The following DPP6 variants were observed in gnomAD, a reference collection of about 807,000 sequenced individuals.
The protein encoded by DPP6 is dipeptidyl peptidase like 6.
In DPP6, 69 loss-of-function variants were observed where a neutral mutation model predicts 122.6. That is an observed-to-expected ratio of 0.56 (90% CI 0.46 to 0.69). The LOEUF is 0.69. DPP6 is among the 30% of genes least tolerant of loss of function. The probability of loss-of-function intolerance (pLI) is 0.00; values close to 1 mark genes in which losing one functional copy is unlikely to be tolerated. For missense variants in DPP6, 928 were observed against 1,116.9 expected (o/e 0.83, Z 2.41); for synonymous variants, 418 against 433.1 (o/e 0.97, Z 0.43).
chr7:154,320,282 A>G (rs1393993695), intron 1 of DPP6, among the ~76,000 whole-genome samples: 2 of 152,034 alleles, frequency 1.3e-5, no homozygotes, highest in African/African-American at 4.8e-5. Flanking sequence ...CCCTGTGTCC[A>G]GTGCGGTCTC....
intron 7 of DPP6, among the ~76,000 whole-genome samples, chr7:154,727,560 T>A (rs1325176607): frequency 6.6e-6 from 1 of 152,176 alleles, no homozygotes; most frequent in Non-Finnish European, 1.5e-5. Flanking sequence ...GGGTGAAGAA[T>A]GTGGAATTTC....
At chr7:154,107,640 A>G (rs1201836361) in intron 1 of DPP6, among the ~76,000 whole-genome samples, 1 of 152,260 alleles carries the variant, frequency 6.6e-6, no homozygotes, top group Non-Finnish European at 1.5e-5. Flanking sequence ...TAAGCATTCC[A>G]TATGTGTATA....
intron 7 of DPP6, among the ~76,000 whole-genome samples, chr7:154,706,383 C>CA (rs1428492348): frequency 6.6e-6 from 1 of 152,190 alleles, no homozygotes; most frequent in Admixed American, 6.5e-5. Context: ...GGGCAGACCT[C>CA]ACAACCACCC....
intron 1 of DPP6, among the ~76,000 whole-genome samples, chr7:154,297,564 A>G (rs561035308): frequency 1.3e-5 from 2 of 152,338 alleles, no homozygotes; most frequent in African/African-American, 4.8e-5. Flanking sequence ...TAGGAGTAAT[A>G]TGAACAGAAA....
chr7:154,746,718 G>A (rs1337443153), intron 8 of DPP6, among the ~76,000 whole-genome samples: 2 of 152,148 alleles, frequency 1.3e-5, no homozygotes, highest in Non-Finnish European at 1.5e-5. Context: ...AGTATTCACT[G>A]TGACTGCTGC....
At chr7:154,787,961 A>C (rs1797440914) in intron 10 of DPP6, among the ~76,000 whole-genome samples, 1 of 152,182 alleles carries the variant, frequency 6.6e-6, no homozygotes, top group African/African-American at 2.4e-5. Context: ...ATGATCCTAC[A>C]AACTATTTGC....
At chr7:153,794,863 C>T in the DPP6 span, among the ~76,000 whole-genome samples, 1 of 152,088 alleles carries the variant, frequency 6.6e-6, no homozygotes, top group Admixed American at 6.6e-5. Flanking sequence ...TCAGGGGTTT[C>T]CACGTTTGCT....
intron 1 of DPP6, among the ~76,000 whole-genome samples, chr7:154,374,903 C>G (rs188731387): frequency 6.6e-6 from 1 of 152,162 alleles, no homozygotes; most frequent in Non-Finnish European, 1.5e-5. Flanking sequence ...TGAGCCACCG[C>G]GCCCGGCCGA....
intron 11 of DPP6, 32 bp downstream of exon 11, chr7:154,794,234 G>A (rs778928352): frequency 2.5e-6 from 4 of 1,575,790 alleles, no homozygotes; most frequent in Non-Finnish European, 3.5e-6. Flanking sequence ...GAGGGGAGAC[G>A]GGTGAAGAAC....
intron 1 of DPP6, among the ~76,000 whole-genome samples, chr7:154,240,391 T>C (rs1801513528): frequency 1.3e-5 from 2 of 152,214 alleles, no homozygotes; most frequent in Non-Finnish European, 2.9e-5. Context: ...CTGTGCACAC[T>C]GATTTTATCT....
At chr7:153,804,625 T>C in the DPP6 span, among the ~76,000 whole-genome samples, 3 of 152,114 alleles carry the variant, frequency 2.0e-5, no homozygotes, top group Admixed American at 1.3e-4. Flanking sequence ...CTGGACCCAT[T>C]GGCTCATGCC....
At chr7:154,881,681 C>G (rs377218459) in intron 21 of DPP6, among the ~76,000 whole-genome samples, 47 of 152,334 alleles carry the variant, frequency 3.1e-4, no homozygotes, top group South Asian at 1.4e-3. Context: ...CACAGTGCCT[C>G]TTACGTCATC....
intron 1 of DPP6, among the ~76,000 whole-genome samples, chr7:154,060,707 C>A (rs1801678351): frequency 6.9e-6 from 1 of 145,446 alleles, no homozygotes; most frequent in African/African-American, 2.6e-5. Flanking sequence ...TGTTAGTACC[C>A]CCATCGCAGG....
Position 154,313,685 on chromosome 7 carries a change from G to GTGTGTGCGTATA in DPP6, c.244-132528_244-132527insGTGTGCGTATAT. 1.1e-3 allele frequency among the ~76,000 whole-genome samples: 23 copies of GTGTGTGCGTATA among 20,470 alleles called. 1 individual carries two copies. The East Asian group carries it at 0.052, about 47-fold the overall frequency. The allele number at this position is 20,470 out of a possible 152,430, so 13.4% of individuals were successfully genotyped here. On this transcript the variant is annotated intron_variant, in intron 1 of 25. Transcript: ENST00000377770. Reference sequence around the variant, plus strand: ...AAGCAACAAGATATTTTAAGATATGGTATATATATATATATATATATATAT... The same window carrying GTGTGTGCGTATA: ...AAGCAACAAGATATTTTAAGATATGGTGTGTGCGTATATATATATATATATATATATATATAT...
chr7:154,522,536 T>C (rs1209660463), intron 3 of DPP6, among the ~76,000 whole-genome samples: 5 of 152,158 alleles, frequency 3.3e-5, no homozygotes, highest in African/African-American at 1.2e-4. Context: ...GTTAAGCGCT[T>C]ACTGGCAGGG....
chr7:154,624,196 C>T lies in DPP6; in HGVS notation c.628-13625C>T, dbSNP rs1275367889. Among the ~76,000 whole-genome samples, 27 of 152,008 alleles carry T rather than the reference C, an allele frequency of 1.8e-4. No individual in the cohort carries two copies. The highest frequency in any genetic ancestry group is 1.6e-3 in the Admixed American group (25 of 15,244). On this transcript the variant is annotated intron_variant, in intron 5 of 25. Transcript: ENST00000377770. This position sits in a 1 kb window ranked among gnomAD's most constrained non-coding sequence, Gnocchi z 4.7. The stretch of plus-strand genomic sequence containing the variant: ...TACAAAAATCAGCCAGACGTGGTGG[C>T]GGGTGCCTATAAATCCAGCTACTTG...
At chr7:154,452,427 C>T (rs1820463993) in intron 2 of DPP6, among the ~76,000 whole-genome samples, 1 of 152,164 alleles carries the variant, frequency 6.6e-6, no homozygotes, top group Non-Finnish European at 1.5e-5. Flanking sequence ...GAATCCAAGT[C>T]GTAACCGTCA....
At chr7:154,033,086 G>A (rs1178973360) in intron 1 of DPP6, among the ~76,000 whole-genome samples, 1 of 152,062 alleles carries the variant, frequency 6.6e-6, no homozygotes, top group Non-Finnish European at 1.5e-5. Flanking sequence ...TTCCTGGGTG[G>A]TAAGTGATTT....
chr7:154,552,010 A>G (rs1829673596), intron 4 of DPP6, among the ~76,000 whole-genome samples: 2 of 152,166 alleles, frequency 1.3e-5, no homozygotes, highest in African/African-American at 4.8e-5. Flanking sequence ...AGCTTTTTCC[A>G]ATTGTGTGCC....
Sources: gnomAD v4.1 joint callset for allele counts (sites outside exome capture counted in the v4.1 genomes callset) on GRCh38, gnomAD v4.1.1 for gene constraint, Gnocchi (gnomAD v3.1) non-coding constraint, MANE v1.5 for transcripts, NCBI Gene and HGNC (gene_info 2026-07-23, HGNC 2026-07-21) for gene names.